The following RBFOX1 variants were observed in gnomAD, a reference collection of about 807,000 sequenced individuals.
The protein encoded by RBFOX1 is RNA binding fox-1 homolog 1.
RBFOX1 carries 8 observed loss-of-function variants against 57.7 expected under a neutral mutation model. The observed-to-expected ratio is 0.14, with a 90% CI of 0.08 to 0.25. The LOEUF is 0.25. RBFOX1 is among the 10% of genes least tolerant of loss of function. RBFOX1 has a pLI of 1.00. For synonymous variants in RBFOX1, 326 were observed against 222.4 expected (o/e 1.47, Z -4.15); for missense variants, 611 against 548.5 (o/e 1.11, Z -1.14).
At chr16:5,524,567 G>A (rs1462047213) in intron 2 of RBFOX1, among the ~76,000 whole-genome samples, 5 of 149,292 alleles carry the variant, frequency 3.3e-5, no homozygotes, top group African/African-American at 1.2e-4. Context: ...TTGAGACAGA[G>A]TCTTGCTCTG....
chr16:5,959,192 C>A (rs563681188), intron 4 of RBFOX1, among the ~76,000 whole-genome samples: 1 of 152,218 alleles, frequency 6.6e-6, no homozygotes, highest in East Asian at 1.9e-4. Flanking sequence ...AAGCATCAGA[C>A]AGTGGCTTTC....
chr16:7,497,088 G>T (rs1360394862), intron 4 of RBFOX1, among the ~76,000 whole-genome samples: 1 of 152,112 alleles, frequency 6.6e-6, no homozygotes, highest in African/African-American at 2.4e-5. Flanking sequence ...GGCCAGCGTG[G>T]TCTTTCTAAG....
At position 6,951,271 on chromosome 16, in the gene RBFOX1, C is replaced by T. The variant is rs144691597; in HGVS notation, c.-15-100786C>T. ...GTGAAAGAAACGTAATAGAGTCACC[C>T]ATCTTCTGAGGGGTCAGTTTCAGCT... is the stretch of plus-strand genomic sequence containing the variant. On this transcript the variant is annotated intron_variant, in intron 3 of 15. Coordinates refer to ENST00000550418, the MANE Select transcript of RBFOX1 (RefSeq NM_018723.4). 3.4e-4 allele frequency among the ~76,000 whole-genome samples: 51 copies of T among 152,190 alleles called. No individual in the cohort carries two copies. In the East Asian group the frequency reaches 9.5e-3, roughly 28 times the overall value.
intron 4 of RBFOX1, among the ~76,000 whole-genome samples, chr16:7,179,632 A>T (rs1178871581): frequency 6.6e-6 from 1 of 152,140 alleles, no homozygotes; most frequent in Admixed American, 6.5e-5. Context: ...AGCTGACCAC[A>T]TAGGGGGAGA....
chr16:5,607,743 A>G (rs932327025), intron 3 of RBFOX1, among the ~76,000 whole-genome samples: 2 of 152,170 alleles, frequency 1.3e-5, no homozygotes, highest in Non-Finnish European at 2.9e-5. Flanking sequence ...CTGCCTTTCC[A>G]ATTCCACTGG....
intron 11 of RBFOX1, 51 bp downstream of exon 11, chr16:7,630,734 A>G (rs1345764013): frequency 1.2e-6 from 2 of 1,609,602 alleles, no homozygotes; most frequent in African/African-American, 2.7e-5. Flanking sequence ...ATCTGAGTCC[A>G]ATCACCTTCC....
At chr16:6,528,135 T>C (rs2096606878) in intron 2 of RBFOX1, among the ~76,000 whole-genome samples, 1 of 152,168 alleles carries the variant, frequency 6.6e-6, no homozygotes, top group African/African-American at 2.4e-5. Flanking sequence ...CCCTTTCTTT[T>C]ACCTAAACCT....
chr16:6,788,106 T>A (rs1013156141), intron 3 of RBFOX1, among the ~76,000 whole-genome samples: 2 of 152,042 alleles, frequency 1.3e-5, no homozygotes, highest in African/African-American at 4.8e-5. Context: ...CCTGTAATCC[T>A]AGCTACTGGG....
At chr16:5,252,105 C>G (rs1266917372) in intron 1 of RBFOX1, among the ~76,000 whole-genome samples, 1 of 152,124 alleles carries the variant, frequency 6.6e-6, no homozygotes, top group East Asian at 1.9e-4. Context: ...GACCTGGATG[C>G]CAGGTGACCC....
At chr16:6,246,530 G>A (rs1300021726) in intron 1 of RBFOX1, among the ~76,000 whole-genome samples, 2 of 152,152 alleles carry the variant, frequency 1.3e-5, no homozygotes, top group Non-Finnish European at 2.9e-5. Context: ...CTAGGAAGAA[G>A]AGTGTTACTA....
intron 4 of RBFOX1, among the ~76,000 whole-genome samples, chr16:7,226,970 T>G (rs2093163558): frequency 6.6e-6 from 1 of 152,196 alleles, no homozygotes; most frequent in African/African-American, 2.4e-5. Context: ...GAATATGAAT[T>G]TCTGGCTTGT....
intron 4 of RBFOX1, among the ~76,000 whole-genome samples, chr16:7,250,808 T>C (rs1271054590): frequency 2.0e-5 from 3 of 152,214 alleles, no homozygotes; most frequent in Non-Finnish European, 4.4e-5. Context: ...AGCTGCAGTT[T>C]CTCTGGCTAC....
intron 1 of RBFOX1, among the ~76,000 whole-genome samples, chr16:5,423,611 G>A (rs966923480): frequency 6.6e-6 from 1 of 152,188 alleles, no homozygotes; most frequent in Non-Finnish European, 1.5e-5. Context: ...CTGCCTGTCT[G>A]TGAGCAGGGG....
chr16:6,166,004 G>A (rs578229079), intron 1 of RBFOX1, among the ~76,000 whole-genome samples: 7 of 152,310 alleles, frequency 4.6e-5, no homozygotes, highest in African/African-American at 1.7e-4. Flanking sequence ...GTGTGTGCCT[G>A]TACCACACAC....
At chr16:6,727,571 T>C (rs1474051609) in intron 3 of RBFOX1, among the ~76,000 whole-genome samples, 1 of 152,094 alleles carries the variant, frequency 6.6e-6, no homozygotes, top group Non-Finnish European at 1.5e-5. Flanking sequence ...AAACAGCTCT[T>C]GGGGCCTATG....
At chr16:7,622,749 ATGATT>A (rs1415490577) in intron 10 of RBFOX1, among the ~76,000 whole-genome samples, 5 of 152,170 alleles carry the variant, frequency 3.3e-5, no homozygotes, top group African/African-American at 4.8e-5. Flanking sequence ...CAATTAAAAC[ATGATT>A]TGATTTATAA....
intron 3 of RBFOX1, among the ~76,000 whole-genome samples, chr16:6,916,339 T>G (rs1274428575): frequency 6.6e-6 from 1 of 152,186 alleles, no homozygotes; most frequent in Non-Finnish European, 1.5e-5. Context: ...TTTACCTTTT[T>G]GCTATTATGG....
intron 4 of RBFOX1, among the ~76,000 whole-genome samples, chr16:7,300,577 T>A (rs2096007845): frequency 6.6e-6 from 1 of 151,666 alleles, no homozygotes; most frequent in South Asian, 2.1e-4. Context: ...CTAACTGGAG[T>A]CTTGCTTGCT....
intron 3 of RBFOX1, among the ~76,000 whole-genome samples, chr16:5,744,482 T>C (rs1239355231): frequency 4.6e-5 from 7 of 152,210 alleles, no homozygotes; most frequent in Admixed American, 4.6e-4. Context: ...CTGGTTCATA[T>C]GGCATCATCG....
Sources: allele counts gnomAD v4.1 joint callset (sites outside exome capture counted in the v4.1 genomes callset), GRCh38; gene constraint gnomAD v4.1.1; transcripts MANE v1.5; gene names NCBI Gene and HGNC (gene_info 2026-07-23, HGNC 2026-07-21).